Variants in SLCO6A1 observed in about 807,000 individuals in gnomAD.
The protein encoded by SLCO6A1 is cancer/testis antigen 48.
A neutral mutation model predicts 72.7 loss-of-function variants in SLCO6A1; 65 were observed. That is an observed-to-expected ratio of 0.89 (90% confidence interval 0.73 to 1.10). The LOEUF (loss-of-function observed/expected upper bound fraction) is 1.10. SLCO6A1 is among the 50% of genes least tolerant of loss of function. SLCO6A1 has a pLI of 0.00. For missense variants in SLCO6A1, 874 were observed against 872.6 expected (o/e 1.00, Z -0.02); for synonymous variants, 314 against 298.2 (o/e 1.05, Z -0.55).
chr5:102,423,304 C>A (rs1748709224), intron 7 of SLCO6A1, among the ~76,000 whole-genome samples: 1 of 152,104 alleles, frequency 6.6e-6, no homozygotes, highest in Admixed American at 6.5e-5. Context: ...AGGCTAAATA[C>A]CCCAATTAAT....
chr5:102,399,180 T>C (rs960090611), intron 10 of SLCO6A1, among the ~76,000 whole-genome samples: 3 of 152,104 alleles, frequency 2.0e-5, no homozygotes, highest in South Asian at 2.1e-4. Context: ...TGCTTTCTCA[T>C]AGTCAAATTA....
At chr5:102,372,886 T>C (rs1046542072) in intron 13 of SLCO6A1, among the ~76,000 whole-genome samples, 3 of 151,942 alleles carry the variant, frequency 2.0e-5, no homozygotes, top group Admixed American at 6.6e-5. Flanking sequence ...TAGTCCTTTT[T>C]GGAAAATAAA....
chr5:102,385,555 C>T (rs1746364958), intron 12 of SLCO6A1, among the ~76,000 whole-genome samples: 1 of 152,056 alleles, frequency 6.6e-6, no homozygotes, highest in South Asian at 2.1e-4. Flanking sequence ...CCTTCAAGCT[C>T]ACTGATTCTT....
intron 4 of SLCO6A1, among the ~76,000 whole-genome samples, chr5:102,460,921 T>TGATGTCAGGTCTTAA (rs1176003123): frequency 2.3e-3 from 26 of 11,296 alleles, no homozygotes; most frequent in Non-Finnish European, 3.7e-3. Context: ...TATATATATA[T>TGATGTCAGGTCTTAA]ATATATATAT....
rs917953558 is a variant in SLCO6A1 at position 102,438,564 on chromosome 5, A to C, written c.1276+53T>G. ...TTTATTTCAAGTATTTCATAAGTAC[A>C]TACAATAAGACAGTGCAAAATTTTT... On this transcript the variant is annotated intron_variant, in intron 7 of 13. Transcript: ENST00000506729. The C allele has an allele frequency of 1.2e-5, 16 of 1,386,298 alleles. No individual in the cohort carries two copies. In the South Asian group the frequency reaches 2.0e-4, roughly 17 times the overall value. The allele number at this position is 1,386,298 out of a possible 1,614,324, so 85.9% of individuals were successfully genotyped here.
At position 102,491,351 on chromosome 5, in the gene SLCO6A1, C is replaced by T. The variant is rs139306615; in HGVS notation, c.358+7136G>A. ...CACCCAGTGGATCCCCTACCGGGGC[C>T]GCAGGTGGAGCTGCCTGCCAGTTCC... is the stretch of plus-strand genomic sequence containing the variant. On this transcript the variant is annotated intron_variant, in intron 1 of 13. Coordinates refer to ENST00000506729, the MANE Select transcript of SLCO6A1 (RefSeq NM_173488.5). 8.6e-3 allele frequency among the ~76,000 whole-genome samples: 1,306 copies of T among 152,366 alleles called. 15 individuals are homozygous for T. The highest frequency in any genetic ancestry group is 0.03 in the African/African-American group (1,240 of 41,598).
chr5:102,415,800 G>T (rs1748249689), intron 8 of SLCO6A1, among the ~76,000 whole-genome samples: 1 of 151,988 alleles, frequency 6.6e-6, no homozygotes, highest in Non-Finnish European at 1.5e-5. Context: ...ATATTTTCAA[G>T]CTATCCATCC....
chr5:102,435,832 A>G (rs546130866), intron 7 of SLCO6A1, among the ~76,000 whole-genome samples: 1 of 151,702 alleles, frequency 6.6e-6, no homozygotes, highest in South Asian at 2.1e-4. Context: ...CCTAGATTAC[A>G]TCATTGCACC....
chr5:102,402,272 A>C (rs1747440848), intron 9 of SLCO6A1, among the ~76,000 whole-genome samples: 1 of 152,120 alleles, frequency 6.6e-6, no homozygotes, highest in Admixed American at 6.6e-5. Context: ...AAAGAGCCTC[A>C]AGATGAATTT....
chr5:102,485,138 C>A (rs1028979270), intron 1 of SLCO6A1, among the ~76,000 whole-genome samples: 2 of 152,166 alleles, frequency 1.3e-5, no homozygotes, highest in East Asian at 1.9e-4. Context: ...GTAATCCCAG[C>A]TATTTGGGAG....
chr5:102,471,231 C>T (rs747988178), intron 4 of SLCO6A1, among the ~76,000 whole-genome samples: 1 of 152,052 alleles, frequency 6.6e-6, no homozygotes, highest in Non-Finnish European at 1.5e-5. Context: ...TGCACCCCTT[C>T]AGAGAGGTTC....
chr5:102,442,166 A>G (rs1580434199), intron 6 of SLCO6A1, among the ~76,000 whole-genome samples: 2 of 152,226 alleles, frequency 1.3e-5, no homozygotes. Flanking sequence ...TGGAGCATCA[A>G]TAAGCAAATC....
chr5:102,420,167 T>C (rs1405883389), intron 7 of SLCO6A1, 146 bp from the exon 8 acceptor site: 3 of 736,604 alleles, frequency 4.1e-6, no homozygotes, highest in Non-Finnish European at 6.2e-6. Context: ...TTATGCTAAA[T>C]AGCTTGACGA....
rs749343115 is a variant in SLCO6A1 at position 102,498,768 on chromosome 5, C to T, written c.77G>A (p.Arg26Gln). The change falls in exon 1 of 14, where the codon CGG becomes CAG. Residue 26 changes from arginine to glutamine, a missense_variant. Physicochemically the swap from Arg to Gln is conservative, Grantham distance 43. Coordinates refer to ENST00000506729, the MANE Select transcript of SLCO6A1 (RefSeq NM_173488.5). ...SRGVEPLEAA[R>Q]AQPAKDRRAK... The stretch of plus-strand genomic sequence containing the variant: ...CCTCCTGTCCTTAGCAGGCTGGGCC[C>T]GCGCGGCCTCCAGCGGCTCTACTCC... The T allele has an allele frequency of 1.4e-5, 23 of 1,614,002 alleles. No individual in the cohort carries two copies. Among genetic ancestry groups the T allele is most frequent in the Non-Finnish European group, 1.9e-5 (22 of 1,180,030 alleles).
Position 102,498,828 on chromosome 5 carries a change from G to C in SLCO6A1, c.17C>G (p.Ala6Gly). 1.2e-6 allele frequency: 2 copies of C among 1,610,638 alleles called. No homozygotes were observed. Among genetic ancestry groups the C allele is most frequent in the South Asian group, 2.2e-5 (2 of 91,036 alleles). ...TTCATCCTGGCTCCCAGAGTGCCGGGCGACGCCTACGAACATGGCTCACCC... is the reference window on the plus strand; with the variant it reads ...TTCATCCTGGCTCCCAGAGTGCCGGCCGACGCCTACGAACATGGCTCACCC... The part of the protein sequence containing the change: MFVGV[A>G]RHSGSQDEVS... The change falls in exon 1 of 14, where the codon GCC becomes GGC. Residue 6 changes from alanine to glycine, a missense_variant. Ala to Gly is a moderately conservative substitution (Grantham distance 60). Coordinates refer to ENST00000506729, the MANE Select transcript of SLCO6A1 (RefSeq NM_173488.5).
intron 3 of SLCO6A1, 40 bp from the exon 4 acceptor site, chr5:102,475,833 A>T (rs376148448): frequency 5.5e-4 from 788 of 1,442,422 alleles, no homozygotes; most frequent in Admixed American, 8.8e-4. Flanking sequence ...AAACAATTTC[A>T]TAAGCCAGCT....
At chr5:102,372,682 TAA>T (rs1225479690) in intron 13 of SLCO6A1, among the ~76,000 whole-genome samples, 10 of 138,336 alleles carry the variant, frequency 7.2e-5, no homozygotes, top group African/African-American at 7.9e-5. Flanking sequence ...CAAGTGAAGG[TAA>T]AAAAAAAAAG....
rs1467267039 is a variant in SLCO6A1 at position 102,475,821 on chromosome 5, T to C, written c.803-28A>G. On this transcript the variant is annotated intron_variant, in intron 3 of 13. Transcript: ENST00000506729. ...GTAAAATAAGCACTGAAACTGAACA[T>C]CAAACAATTTCATAAGCCAGCTTCG... is the stretch of plus-strand genomic sequence containing the variant. 2.0e-6 allele frequency: 3 copies of C among 1,479,616 alleles called. No homozygotes were observed. The Admixed American group carries it at 5.9e-5, about 29-fold the overall frequency. 91.7% of individuals were successfully genotyped at this position (1,479,616 alleles called of 1,614,324 possible). A position where few individuals can be genotyped will look rare whatever the true frequency, so the allele number is the denominator to read the frequency against.
intron 6 of SLCO6A1, among the ~76,000 whole-genome samples, chr5:102,443,244 T>G (rs1018969782): frequency 6.6e-6 from 1 of 152,274 alleles, no homozygotes; most frequent in African/African-American, 2.4e-5. Context: ...GAGTAAGTCT[T>G]AATTACTTCA....
Sources: allele counts gnomAD v4.1 joint callset (sites outside exome capture counted in the v4.1 genomes callset), GRCh38; gene constraint gnomAD v4.1.1; transcripts MANE v1.5; gene names NCBI Gene and HGNC (gene_info 2026-07-23, HGNC 2026-07-21).